Variants in CPNE4 observed in about 807,000 individuals in gnomAD.
CPNE4 encodes copine-4.
In CPNE4, 25 loss-of-function variants were observed where a neutral mutation model predicts 67.9. That is an observed-to-expected ratio of 0.37 (90% CI 0.27 to 0.51). The LOEUF is 0.51. CPNE4 is among the 20% of genes least tolerant of loss of function. The pLI is 0.93. For synonymous variants in CPNE4, 242 were observed against 244.9 expected (o/e 0.99, Z 0.11); for missense variants, 464 against 690.8 (o/e 0.67, Z 3.68).
intron 2 of CPNE4, among the ~76,000 whole-genome samples, chr3:131,773,492 T>G (rs1036693618): frequency 2.0e-5 from 3 of 151,992 alleles, no homozygotes; most frequent in African/African-American, 7.2e-5. Flanking sequence ...GGACCACAGG[T>G]GTGTGCCACC....
intron 2 of CPNE4, among the ~76,000 whole-genome samples, chr3:131,874,994 C>T (rs1258840391): frequency 6.6e-6 from 1 of 152,172 alleles, no homozygotes; most frequent in African/African-American, 2.4e-5. Context: ...GATTTGATAA[C>T]ATGATACCCT....
At chr3:131,982,044 C>T (rs754930415) in intron 1 of CPNE4, among the ~76,000 whole-genome samples, 29 of 152,164 alleles carry the variant, frequency 1.9e-4, no homozygotes, top group African/African-American at 4.8e-4. Context: ...TATGAGCCCC[C>T]GCACACTGCT....
At chr3:131,577,910 AT>A (rs765066367) in intron 9 of CPNE4, among the ~76,000 whole-genome samples, 4 of 152,128 alleles carry the variant, frequency 2.6e-5, no homozygotes, top group Non-Finnish European at 4.4e-5. Flanking sequence ...GACTGTATAT[AT>A]ACATAAATAC....
chr3:131,898,720 G>A (rs1366427530), intron 2 of CPNE4, among the ~76,000 whole-genome samples: 1 of 152,076 alleles, frequency 6.6e-6, no homozygotes, highest in African/African-American at 2.4e-5. Flanking sequence ...ACAGGCACAT[G>A]ACCCCAGGCA....
intron 2 of CPNE4, among the ~76,000 whole-genome samples, chr3:131,763,462 A>C (rs1417815464): frequency 6.6e-6 from 1 of 152,144 alleles, no homozygotes; most frequent in African/African-American, 2.4e-5. Flanking sequence ...CCTCAATGCA[A>C]TATTACCAGT....
chr3:131,842,709 G>A (rs2085835117), intron 2 of CPNE4, among the ~76,000 whole-genome samples: 2 of 131,326 alleles, frequency 1.5e-5, no homozygotes, highest in Admixed American at 1.7e-4. Flanking sequence ...TGAGGGCTCA[G>A]AAGCAAGTTA....
At chr3:132,015,202 T>C (rs2073862131) in intron 1 of CPNE4, among the ~76,000 whole-genome samples, 1 of 152,130 alleles carries the variant, frequency 6.6e-6, no homozygotes, top group African/African-American at 2.4e-5. Flanking sequence ...TCTCTGGGCT[T>C]AGGTTTTTCT....
intron 2 of CPNE4, among the ~76,000 whole-genome samples, chr3:131,814,762 G>C (rs1368021675): frequency 6.9e-6 from 1 of 144,390 alleles, no homozygotes; most frequent in Non-Finnish European, 1.5e-5. Flanking sequence ...CCGCCACTAC[G>C]CCCGGCTAAT....
chr3:131,770,529 A>G (rs1208917300), intron 2 of CPNE4, among the ~76,000 whole-genome samples: 1 of 152,208 alleles, frequency 6.6e-6, no homozygotes. Flanking sequence ...AGGGGAGACA[A>G]GGTGGAGCCA....
At chr3:131,798,326 T>C (rs1332919902) in intron 2 of CPNE4, among the ~76,000 whole-genome samples, 4 of 152,108 alleles carry the variant, frequency 2.6e-5, no homozygotes, top group Non-Finnish European at 1.5e-5. Context: ...CCAATTAAGA[T>C]GTATGTGTGG....
intron 2 of CPNE4, among the ~76,000 whole-genome samples, chr3:131,793,920 C>T (rs1214187825): frequency 6.6e-6 from 1 of 152,200 alleles, no homozygotes; most frequent in Non-Finnish European, 1.5e-5. Context: ...TCAGTGGTTG[C>T]TCTCCCATTT....
intron 7 of CPNE4, among the ~76,000 whole-genome samples, chr3:131,603,830 CA>C (rs1939347675): frequency 6.6e-6 from 1 of 152,136 alleles, no homozygotes. Context: ...GCATAGTCCT[CA>C]GTTGAAGAAG....
At chr3:131,720,873 A>G (rs372554592) in intron 3 of CPNE4, among the ~76,000 whole-genome samples, 1 of 152,162 alleles carries the variant, frequency 6.6e-6, no homozygotes, top group East Asian at 1.9e-4. Flanking sequence ...GATGCTCTGC[A>G]CCATATGCCA....
intron 1 of CPNE4, among the ~76,000 whole-genome samples, chr3:131,957,262 C>T (rs1423390532): frequency 6.6e-6 from 1 of 152,200 alleles, no homozygotes; most frequent in African/African-American, 2.4e-5. Flanking sequence ...ATAATGTCTC[C>T]ATGCCCATCA....
intron 2 of CPNE4, among the ~76,000 whole-genome samples, chr3:131,743,380 C>T (rs2082401574): frequency 6.6e-6 from 1 of 152,146 alleles, no homozygotes; most frequent in African/African-American, 2.4e-5. Flanking sequence ...TCAGCTGCTC[C>T]AGGCCACACA....
At chr3:131,976,140 G>A (rs1159577987) in intron 1 of CPNE4, among the ~76,000 whole-genome samples, 4 of 138,818 alleles carry the variant, frequency 2.9e-5, no homozygotes, top group African/African-American at 1.1e-4. Context: ...TCAACCTCCT[G>A]TAAAACATTC....
intron 7 of CPNE4, among the ~76,000 whole-genome samples, chr3:131,607,276 T>TAA (rs1939565066): frequency 6.6e-6 from 1 of 151,782 alleles, no homozygotes; most frequent in African/African-American, 2.4e-5. Flanking sequence ...TTGGCAGTGT[T>TAA]AAGCAGGGCC....
chr3:131,637,630 T>C (rs2079427964), intron 7 of CPNE4, among the ~76,000 whole-genome samples: 1 of 152,170 alleles, frequency 6.6e-6, no homozygotes, highest in Non-Finnish European at 1.5e-5. Context: ...AGGGAATAAT[T>C]GAGAAAAATT....
intron 7 of CPNE4, 79 bp downstream of exon 7, chr3:131,669,595 GT>G: frequency 8.4e-7 from 1 of 1,196,672 alleles, no homozygotes; most frequent in East Asian, 2.3e-5. Flanking sequence ...TTTGGGGTTT[GT>G]CAATATTATT....
Sources: allele counts gnomAD v4.1 joint callset (sites outside exome capture counted in the v4.1 genomes callset), GRCh38; gene constraint gnomAD v4.1.1; transcripts MANE v1.5; gene names NCBI Gene and HGNC (gene_info 2026-07-23, HGNC 2026-07-21).